Variants in MTFR1 observed in about 807,000 individuals in gnomAD.
MTFR1 encodes mitochondrial fission regulator 1.
MTFR1 carries 28 observed loss-of-function variants against 38.8 expected under a neutral mutation model. The ratio of observed to expected loss-of-function variants is 0.72; its 90% confidence interval spans 0.53 to 0.99. The LOEUF is 0.99. Among genes scored for constraint, MTFR1 ranks in the 50% least tolerant of loss-of-function variants. The pLI is 0.00. For missense variants in MTFR1, 358 were observed against 395.5 expected (o/e 0.91, Z 0.81); for synonymous variants, 145 against 137.0 (o/e 1.06, Z -0.41).
At chr8:65,697,643 T>C (rs1364538422) in intron 4 of MTFR1, among the ~76,000 whole-genome samples, 1 of 152,230 alleles carries the variant, frequency 6.6e-6, no homozygotes, top group East Asian at 1.9e-4. Flanking sequence ...CTGGGATAAA[T>C]GTCTATGAGT....
intron 2 of MTFR1, among the ~76,000 whole-genome samples, chr8:65,675,266 C>T (rs1436935818): frequency 7.2e-6 from 1 of 139,784 alleles, no homozygotes; most frequent in African/African-American, 2.5e-5. Context: ...GCACTCCAGC[C>T]TGGGCGACAG....
At chr8:65,665,010 C>T (rs942062718) in intron 1 of MTFR1, among the ~76,000 whole-genome samples, 8 of 145,230 alleles carry the variant, frequency 5.5e-5, no homozygotes, top group African/African-American at 2.0e-4. Flanking sequence ...TCTCGGCTCA[C>T]TGCAACCTCT....
intron 2 of MTFR1, 140 bp from the exon 3 acceptor site, chr8:65,682,213 A>C: frequency 8.6e-6 from 3 of 347,590 alleles, no homozygotes; most frequent in Non-Finnish European, 1.6e-5. Context: ...GAGAAACATT[A>C]GCTTATTTGC....
At chr8:65,733,465 T>G (rs1806989337) in intron 3 of MTFR1, among the ~76,000 whole-genome samples, 1 of 152,074 alleles carries the variant, frequency 6.6e-6, no homozygotes, top group Non-Finnish European at 1.5e-5. Context: ...AAGTTTAATT[T>G]AAAAATTGGG....
chr8:65,740,815 T>C (rs1418754273), intron 3 of MTFR1, among the ~76,000 whole-genome samples: 27 of 152,142 alleles, frequency 1.8e-4, no homozygotes, highest in African/African-American at 2.4e-5. Flanking sequence ...CTTTTCTATA[T>C]TGTCTCAACA....
chr8:65,742,249 G>T (rs967883556), intron 3 of MTFR1, among the ~76,000 whole-genome samples: 5 of 152,222 alleles, frequency 3.3e-5, no homozygotes, highest in Admixed American at 2.0e-4. Flanking sequence ...ATTTTTAGAA[G>T]GTGATCCCAG....
intron 3 of MTFR1, among the ~76,000 whole-genome samples, chr8:65,751,169 A>G (rs563918993): frequency 1.2e-3 from 189 of 152,330 alleles, no homozygotes; most frequent in African/African-American, 4.4e-3. Context: ...ACGTAACAAG[A>G]TTATATTCTG....
chr8:65,719,349 T>C (rs1277728505), intron 2 of MTFR1: 1 of 1,614,062 alleles, frequency 6.2e-7, no homozygotes, highest in Admixed American at 1.7e-5. Flanking sequence ...GCAGCATCAG[T>C]GTCCTCACTG....
chr8:65,696,273 G>A (rs1805438716), intron 4 of MTFR1, among the ~76,000 whole-genome samples: 1 of 152,186 alleles, frequency 6.6e-6, no homozygotes, highest in Non-Finnish European at 1.5e-5. Context: ...CACAGGGATT[G>A]CAGGATTAGC....
rs186673048 is a variant in MTFR1 at position 65,701,107 on chromosome 8, A to G, written c.282-3587A>G. Among the ~76,000 whole-genome samples, 255 of 152,314 alleles carry G rather than the reference A, an allele frequency of 1.7e-3. 1 individual carries two copies. Among genetic ancestry groups the G allele is most frequent in the African/African-American group, 5.9e-3 (244 of 41,574 alleles). On this transcript the variant is annotated intron_variant, in intron 4 of 7. Coordinates refer to ENST00000262146, the MANE Select transcript of MTFR1 (RefSeq NM_014637.4). The stretch of plus-strand genomic sequence containing the variant: ...AAAAGAATGTAAACTTTTGTCTCTT[A>G]TCTACCCCCACCTTTTAAAAATTTC...
At position 65,663,813 on chromosome 8, in the gene MTFR1, ATTTCT is replaced by A. The variant is rs1364457793; in HGVS notation, c.-80-6051_-80-6047del. 1.4e-3 allele frequency among the ~76,000 whole-genome samples: 128 copies of A among 89,126 alleles called. No homozygotes were observed. In the Middle Eastern group the frequency reaches 0.017, roughly 12 times the overall value. 58.5% of individuals were successfully genotyped at this position (89,126 alleles called of 152,430 possible). ...CTTCTCTTCTTCCTTCTTTTTTTTA[ATTTCT>A]TTTCTTTTTTTTTTTTTTTTTTTTG... is the stretch of plus-strand genomic sequence containing the variant. On this transcript the variant is annotated intron_variant, in intron 1 of 7. Transcript: ENST00000262146.
At chr8:65,670,692 T>C (rs376193488) in intron 2 of MTFR1, among the ~76,000 whole-genome samples, 1 of 150,838 alleles carries the variant, frequency 6.6e-6, no homozygotes, top group East Asian at 1.9e-4. Context: ...GTTACATAAT[T>C]TGAATGTGGG....
intron 3 of MTFR1, among the ~76,000 whole-genome samples, chr8:65,753,585 G>A (rs1808075471): frequency 6.8e-6 from 1 of 147,070 alleles, no homozygotes; most frequent in African/African-American, 2.5e-5. Flanking sequence ...TCTATTCAAT[G>A]TGCACTCGAG....
chr8:65,763,422 G>C (rs997144689), intron 3 of MTFR1, among the ~76,000 whole-genome samples: 2 of 152,038 alleles, frequency 1.3e-5, no homozygotes, highest in African/African-American at 4.8e-5. Flanking sequence ...AAAATTAGCT[G>C]GGCGTGGTGG....
At chr8:65,667,241 A>C (rs1434961365) in intron 1 of MTFR1, among the ~76,000 whole-genome samples, 2 of 151,292 alleles carry the variant, frequency 1.3e-5, no homozygotes, top group Non-Finnish European at 2.9e-5. Context: ...GCACCATTGT[A>C]CTCCAGCCTG....
At chr8:65,696,253 A>G (rs1462151991) in intron 4 of MTFR1, among the ~76,000 whole-genome samples, 1 of 152,254 alleles carries the variant, frequency 6.6e-6, no homozygotes, top group Non-Finnish European at 1.5e-5. Flanking sequence ...AGGACATAGC[A>G]GTAGATAAAC....
chr8:65,728,866 A>G (rs1806717196), intron 3 of MTFR1, among the ~76,000 whole-genome samples: 1 of 152,240 alleles, frequency 6.6e-6, no homozygotes. Flanking sequence ...CAGGTATATT[A>G]AAGAGTTAAC....
chr8:65,757,430 T>C (rs926731776), intron 3 of MTFR1, among the ~76,000 whole-genome samples: 2 of 152,134 alleles, frequency 1.3e-5, no homozygotes, highest in African/African-American at 2.4e-5. Flanking sequence ...GTCCAGTCCA[T>C]CATAGTGCAT....
chr8:65,645,028 C>G (rs1022482810), intron 1 of MTFR1, among the ~76,000 whole-genome samples: 3 of 152,314 alleles, frequency 2.0e-5, no homozygotes, highest in Admixed American at 2.0e-4. Flanking sequence ...GGGAAGTCGG[C>G]TGACTTGCCC....
Sources: gnomAD v4.1 joint callset for allele counts (sites outside exome capture counted in the v4.1 genomes callset) on GRCh38, gnomAD v4.1.1 for gene constraint, MANE v1.5 for transcripts, NCBI Gene and HGNC (gene_info 2026-07-23, HGNC 2026-07-21) for gene names.